HAVCR1: variants seen among roughly 807,000 people sequenced by gnomAD.
HAVCR1 encodes T cell immunoglobin domain and mucin domain protein 1.
In HAVCR1, 34 loss-of-function variants were observed where a neutral mutation model predicts 32.0. The ratio of observed to expected loss-of-function variants is 1.06; its 90% CI spans 0.81 to 1.42. HAVCR1 has a LOEUF of 1.42. HAVCR1 is among the 40% of genes most tolerant of loss of function. The pLI is 0.00. For missense variants in HAVCR1, 420 were observed against 442.3 expected (o/e 0.95, Z 0.45); for synonymous variants, 178 against 170.3 (o/e 1.05, Z -0.35).
intron 5 of HAVCR1, among the ~76,000 whole-genome samples, chr5:157,048,702 C>A (rs922774172): frequency 5.9e-5 from 9 of 151,934 alleles, no homozygotes; most frequent in African/African-American, 2.2e-4. Context: ...TGGTGGCGGG[C>A]GCCTGTAGTC....
At position 157,053,890 on chromosome 5, in the gene HAVCR1, C is replaced by A. The variant is rs552770599; in HGVS notation, c.380-1236G>T. ...GTCTCAAAAAAACAAAACAAAAAGT[C>A]AGCAGCAAGGCTGGGTGCTGTGGCT... On this transcript the variant is annotated intron_variant, in intron 3 of 8. Transcript: ENST00000523175. Among the ~76,000 whole-genome samples, 47 of 150,734 alleles carry A rather than the reference C, an allele frequency of 3.1e-4. No individual in the cohort carries two copies. The Middle Eastern group carries it at 0.018, about 57-fold the overall frequency.
At chr5:157,068,142 C>T in the HAVCR1 span, among the ~76,000 whole-genome samples, 6 of 152,166 alleles carry the variant, frequency 3.9e-5, no homozygotes, top group East Asian at 9.7e-4. Context: ...GGCATGGTTG[C>T]GGGTGCTTCT....
At chr5:157,052,277 G>T in intron 4 of HAVCR1, 84 bp downstream of exon 4, 3 of 1,236,708 alleles carry the variant, frequency 2.4e-6, no homozygotes, top group African/African-American at 1.5e-5. Context: ...ACTCTAGACT[G>T]TCCTTCTACC....
At chr5:157,034,983 C>T (rs1489256358) in intron 7 of HAVCR1, among the ~76,000 whole-genome samples, 1 of 151,992 alleles carries the variant, frequency 6.6e-6, no homozygotes, top group Non-Finnish European at 1.5e-5. Flanking sequence ...CTTTCTTTTC[C>T]CCCACAGAGC....
chr5:157,067,018 G>A, the HAVCR1 span, among the ~76,000 whole-genome samples: 421 of 152,256 alleles, frequency 2.8e-3, 4 homozygotes, highest in Admixed American at 8.0e-3. Flanking sequence ...CCCGGGAGGC[G>A]GAGATTGTGG....
chr5:157,056,602 G>A (rs533033937), intron 2 of HAVCR1, among the ~76,000 whole-genome samples: 20 of 150,716 alleles, frequency 1.3e-4, no homozygotes, highest in African/African-American at 1.9e-4. Context: ...GGATGGTCTC[G>A]ATTTCCTGAC....
chr5:157,066,148 C>G, the HAVCR1 span, among the ~76,000 whole-genome samples: 1 of 150,800 alleles, frequency 6.6e-6, no homozygotes, highest in African/African-American at 2.4e-5. Flanking sequence ...GCAAAAAGGT[C>G]CTAGAAGCCA....
At chr5:157,045,591 C>T (rs769027851) in intron 5 of HAVCR1, among the ~76,000 whole-genome samples, 11 of 152,006 alleles carry the variant, frequency 7.2e-5, no homozygotes, top group Non-Finnish European at 1.6e-4. Context: ...AGATTTATAG[C>T]GCCTCCTCAA....
intron 8 of HAVCR1, 86 bp downstream of exon 8, chr5:157,032,768 A>C: frequency 1.2e-6 from 1 of 811,578 alleles, no homozygotes; most frequent in African/African-American, 1.7e-5. Context: ...TATGCGATGG[A>C]GAGTTTAGGA....
chr5:157,047,428 G>A (rs1367649358), intron 5 of HAVCR1, among the ~76,000 whole-genome samples: 1 of 152,052 alleles, frequency 6.6e-6, no homozygotes, highest in African/African-American at 2.4e-5. Context: ...ACGCATACGT[G>A]TAATCCCAGC....
upstream of HAVCR1, among the ~76,000 whole-genome samples, chr5:157,062,539 G>A (rs1374180245): frequency 1.3e-5 from 2 of 152,036 alleles, no homozygotes; most frequent in South Asian, 2.1e-4. Context: ...GATCTTCTTA[G>A]GCCCCCTCCA....
At chr5:157,038,824 G>A (rs1393860001) in intron 6 of HAVCR1, among the ~76,000 whole-genome samples, 1 of 152,126 alleles carries the variant, frequency 6.6e-6, no homozygotes, top group African/African-American at 2.4e-5. Flanking sequence ...GCATAAAAAA[G>A]GAAAACTAAA....
Position 157,052,552 on chromosome 5 carries a change from AC to A in HAVCR1, c.481del (p.Val161PhefsTer10). On this transcript the variant is annotated frameshift_variant, in exon 4 of 9. Coordinates refer to ENST00000523175, the MANE Select transcript of HAVCR1 (RefSeq NM_001173393.3). LOFTEE classifies it high-confidence loss of function. The part of the protein sequence containing the change: ...PTTTTVPMTT[V>X]PTTTVPTTMS... Reference sequence around the variant, plus strand: ...TGTTGTTGGAACAGTTGTCGTTGGAACAGTCGTCATTGGAACAGTCGTTGTC... The same window carrying A: ...TGTTGTTGGAACAGTTGTCGTTGGAAAGTCGTCATTGGAACAGTCGTTGTC... 3 of 230,962 alleles carry A rather than the reference AC, an allele frequency of 1.3e-5. No homozygotes were observed. The highest frequency in any genetic ancestry group is 1.7e-5 in the Non-Finnish European group (3 of 173,052). 14.3% of individuals were successfully genotyped at this position (230,962 alleles called of 1,614,324 possible). A position where few individuals can be genotyped will look rare whatever the true frequency, so the allele number is the denominator to read the frequency against.
Position 157,052,453 on chromosome 5 carries a change from G to A in HAVCR1, c.581C>T (p.Thr194Met), listed in dbSNP as rs115924839. 2.4e-3 allele frequency: 3,910 copies of A among 1,603,852 alleles called. 87 individuals carry two copies. The African/African-American group carries it at 0.044, about 18-fold the overall frequency. Residue 194 changes from threonine (T) to methionine (M), a missense_variant, in exon 4 of 9, where the codon ACG becomes ATG. Physicochemically the swap from Thr to Met is moderately conservative, Grantham distance 81. Transcript: ENST00000523175. ...VSTTTSVPTT[T>M]SIPTTTSVPV... Reference sequence around the variant, plus strand: ...AACACTTGTTGTTGTTGGAATGCTCGTTGTCGTTGGAACGCTCGTTGTCGT... The same window carrying A: ...AACACTTGTTGTTGTTGGAATGCTCATTGTCGTTGGAACGCTCGTTGTCGT...
At position 157,042,669 on chromosome 5, in the gene HAVCR1, G is replaced by T; in HGVS notation, c.795C>A (p.Thr265=). 1 of 1,586,410 alleles carries T rather than the reference G, an allele frequency of 6.3e-7. No homozygotes were observed. The highest frequency in any genetic ancestry group is 8.6e-7 in the Non-Finnish European group (1 of 1,156,166). The part of the protein sequence containing the change: ...LYSYTTDGND[T]VTESSDGLWN... The stretch of plus-strand genomic sequence containing the variant: ...AAAGGCCATCTGAAGACTCTGTCAC[G>T]GTGTCATTCCCATCTACTCAACAAG... Residue 265 remains threonine (T), a synonymous_variant, in exon 6 of 9, where the codon ACC becomes ACA. Coordinates refer to ENST00000523175, the MANE Select transcript of HAVCR1 (RefSeq NM_001173393.3).
chr5:157,069,068 G>A, the HAVCR1 span, among the ~76,000 whole-genome samples: 223 of 152,190 alleles, frequency 1.5e-3, 1 homozygote, highest in African/African-American at 4.5e-3. Flanking sequence ...GAATAAATAC[G>A]GCTTAACACA....
chr5:157,031,316 T>A (rs6868990), intron 8 of HAVCR1, among the ~76,000 whole-genome samples: 1,966 of 152,234 alleles, frequency 0.013, 47 homozygotes, highest in African/African-American at 0.045. Flanking sequence ...CTCAGGAAAG[T>A]CTGTGTACAA....
At position 157,037,380 on chromosome 5, in the gene HAVCR1, A is replaced by T; in HGVS notation, c.838-19T>A. The stretch of plus-strand genomic sequence containing the variant: ...ACAGTTGCTGAGGAAACAACAACAG[A>T]TCAAAAAAGCATCTTGTTAGAAAGT... On this transcript the variant is annotated intron_variant, in intron 6 of 8. Coordinates refer to ENST00000523175, the MANE Select transcript of HAVCR1 (RefSeq NM_001173393.3). The T allele has an allele frequency of 9.5e-7, 1 of 1,049,098 alleles. No homozygotes were observed. The highest frequency in any genetic ancestry group is 1.5e-6 in the Non-Finnish European group (1 of 677,390). 65.0% of individuals were successfully genotyped at this position (1,049,098 alleles called of 1,614,324 possible). A position where few individuals can be genotyped will look rare whatever the true frequency, so the allele number is the denominator to read the frequency against.
chr5:157,041,479 C>G (rs1754889676), intron 6 of HAVCR1, among the ~76,000 whole-genome samples: 2 of 99,656 alleles, frequency 2.0e-5, no homozygotes, highest in African/African-American at 6.8e-5. Context: ...GCCTGGGTGA[C>G]AGAACAAGAC....
Sources: gnomAD v4.1 joint callset for allele counts (sites outside exome capture counted in the v4.1 genomes callset) on GRCh38, gnomAD v4.1.1 for gene constraint, MANE v1.5 for transcripts, NCBI Gene and HGNC (gene_info 2026-07-23, HGNC 2026-07-21) for gene names.